Variants in NUP214 observed in about 807,000 individuals in gnomAD.
NUP214 encodes nucleoporin 214.
Under a neutral mutation model 196.2 loss-of-function variants are expected in NUP214, and 79 were observed. That is an observed-to-expected ratio of 0.40 (90% CI 0.34 to 0.49). The LOEUF (loss-of-function observed/expected upper bound fraction) is 0.49. NUP214 is among the 20% of genes least tolerant of loss of function. The probability of loss-of-function intolerance (pLI) is 0.58; values close to 1 mark genes in which losing one functional copy is unlikely to be tolerated. For missense variants in NUP214, 2,468 were observed against 2,539.0 expected (o/e 0.97, Z 0.60); for synonymous variants, 1,020 against 990.5 (o/e 1.03, Z -0.56).
chr9:131,231,679 GT>G lies in NUP214; in HGVS notation c.6215-602del, dbSNP rs1834883031. ...AAACTTCACAAAACATCTTGCATTT[GT>G]TTAACACTCTGCTTCTTCAGATGGC... On this transcript the variant is annotated intron_variant, in intron 34 of 35. Coordinates refer to ENST00000359428, the MANE Select transcript of NUP214 (RefSeq NM_005085.4). 2.0e-5 allele frequency among the ~76,000 whole-genome samples: 3 copies of G among 150,534 alleles called. No homozygotes were observed. In the South Asian group the frequency reaches 6.3e-4, roughly 31 times the overall value.
chr9:131,188,201 C>T (rs1833507479), intron 25 of NUP214, among the ~76,000 whole-genome samples: 1 of 152,216 alleles, frequency 6.6e-6, no homozygotes, highest in South Asian at 2.1e-4. Context: ...TGGTTTTCTC[C>T]TGCAATCCCT....
At chr9:131,142,266 G>T (rs537356993) in intron 11 of NUP214, among the ~76,000 whole-genome samples, 5 of 152,196 alleles carry the variant, frequency 3.3e-5, no homozygotes, top group South Asian at 2.1e-4. Flanking sequence ...GTTTGTTTCT[G>T]AGCCTTTGCT....
chr9:131,169,342 C>G (rs546684961), intron 21 of NUP214, among the ~76,000 whole-genome samples: 1 of 152,010 alleles, frequency 6.6e-6, no homozygotes, highest in Non-Finnish European at 1.5e-5. Flanking sequence ...CCTCTGCTTA[C>G]ATTTAAATTA....
At chr9:131,208,278 A>G (rs529689899) in intron 30 of NUP214, among the ~76,000 whole-genome samples, 14 of 152,386 alleles carry the variant, frequency 9.2e-5, no homozygotes, top group African/African-American at 2.6e-4. Context: ...TTGTACATCA[A>G]TGTTCATTGC....
Position 131,144,526 on chromosome 9 carries a change from G to A in NUP214, c.1541G>A (p.Gly514Asp), listed in dbSNP as rs769733994. The A allele has an allele frequency of 1.9e-6, 3 of 1,614,074 alleles. No individual in the cohort carries two copies. The highest frequency in any genetic ancestry group is 1.1e-5 in the South Asian group (1 of 91,078). ...TCCGACAGCTCCAAAGCAGCCCCAGGCCCTGGCCCATCAACCTTCTCTTTT... is the reference window on the plus strand; with the variant it reads ...TCCGACAGCTCCAAAGCAGCCCCAGACCCTGGCCCATCAACCTTCTCTTTT... ...SGSDSSKAAP[G>D]PGPSTFSFVP... The change falls in exon 12 of 36, where the codon GGC becomes GAC. Residue 514 changes from glycine (G) to aspartate (D), a missense_variant. Gly to Asp is a moderately conservative substitution (Grantham distance 94, BLOSUM62 -1). Around this residue, in one of 5 missense-constraint regions of NUP214, gnomAD observed 1,801 missense variants for 1,779.4 expected, o/e 1.01. Transcript: ENST00000359428.
intron 32 of NUP214, among the ~76,000 whole-genome samples, chr9:131,225,457 G>A (rs962526328): frequency 3.1e-4 from 47 of 152,276 alleles, no homozygotes; most frequent in African/African-American, 1.1e-3. Flanking sequence ...TATTTGTCTA[G>A]TCTTAGAGAA....
At chr9:131,129,575 GT>G (rs139582785) in intron 4 of NUP214, 98 bp downstream of exon 4, 722 of 1,058,748 alleles carry the variant, frequency 6.8e-4, no homozygotes, top group Non-Finnish European at 7.4e-4. Flanking sequence ...TTGTGTTTTG[GT>G]TTTTTTTTTC....
At chr9:131,162,530 A>G (rs1017618601) in intron 18 of NUP214, among the ~76,000 whole-genome samples, 1 of 152,130 alleles carries the variant, frequency 6.6e-6, no homozygotes, top group South Asian at 2.1e-4. Flanking sequence ...CTGATGCTAA[A>G]TCTTATGCTG....
Position 131,171,608 on chromosome 9 carries a change from T to A in NUP214, c.2894-2447T>A, listed in dbSNP as rs1832959912. Among the ~76,000 whole-genome samples the A allele has an allele frequency of 2.0e-5, 3 of 151,598 alleles. No homozygotes were observed. The South Asian group carries it at 6.3e-4, about 32-fold the overall frequency. On this transcript the variant is annotated intron_variant, in intron 21 of 35. Coordinates refer to ENST00000359428, the MANE Select transcript of NUP214 (RefSeq NM_005085.4). Reference sequence around the variant, plus strand: ...AGGGTACATGTGCACAATGTGCAGGTTAGTTACATATGTATACATGTGCCA... The same window carrying A: ...AGGGTACATGTGCACAATGTGCAGGATAGTTACATATGTATACATGTGCCA...
intron 14 of NUP214, 50 bp from the exon 15 acceptor site, chr9:131,150,274 C>T: frequency 1.3e-6 from 2 of 1,517,208 alleles, no homozygotes; most frequent in Non-Finnish European, 1.8e-6. Context: ...GATATAATTG[C>T]TTGTAGAAGC....
intron 21 of NUP214, among the ~76,000 whole-genome samples, chr9:131,168,846 A>G (rs1832862693): frequency 3.9e-5 from 6 of 152,210 alleles, no homozygotes; most frequent in Middle Eastern, 3.4e-3. Flanking sequence ...CTCCCTGCTT[A>G]GCAGGGCCAC....
intron 30 of NUP214, among the ~76,000 whole-genome samples, chr9:131,204,157 AAGCGTCAGAAATC>A (rs1834014056): frequency 6.6e-6 from 1 of 152,202 alleles, no homozygotes; most frequent in South Asian, 2.1e-4. Context: ...GAGCCAGAAT[AAGCGTCAGAAATC>A]ACCTTTGCAC....
chr9:131,153,133 C>T (rs533040647), intron 17 of NUP214: 10 of 152,148 alleles, frequency 6.6e-5, no homozygotes, highest in South Asian at 2.1e-4. Context: ...CAGTGTACAC[C>T]GAATCATTGT....
chr9:131,130,137 G>GTTTTTGTTTTTTTTTTTT (rs1831490850), intron 4 of NUP214, among the ~76,000 whole-genome samples: 1 of 76,894 alleles, frequency 1.3e-5, no homozygotes, highest in East Asian at 4.6e-4. Flanking sequence ...TTCTGGTTTT[G>GTTTTTGTTTTTTTTTTTT]TTTTTTTTTT....
In NUP214 at chr9:131,211,773, C is replaced by T. The variant is rs148791940; in HGVS notation, c.5593-3439C>T. 5.4e-3 allele frequency among the ~76,000 whole-genome samples: 817 copies of T among 152,240 alleles called. 10 individuals are homozygous for T. Among genetic ancestry groups the T allele is most frequent in the African/African-American group, 0.017 (687 of 41,542 alleles). ...TGTCTTTACTTTAATCTCTTAATCCCGTCATCTTCATAAGCTGAGGATGTA... is the reference window on the plus strand; with the variant it reads ...TGTCTTTACTTTAATCTCTTAATCCTGTCATCTTCATAAGCTGAGGATGTA... On this transcript the variant is annotated intron_variant, in intron 30 of 35. Transcript: ENST00000359428.
At chr9:131,187,738 A>G (rs942426233) in intron 25 of NUP214, among the ~76,000 whole-genome samples, 20 of 152,004 alleles carry the variant, frequency 1.3e-4, no homozygotes, top group African/African-American at 4.1e-4. Flanking sequence ...AGTGAAGACC[A>G]TACTGTTTTT....
At chr9:131,180,979 C>G (rs1833262049) in intron 24 of NUP214, among the ~76,000 whole-genome samples, 1 of 151,862 alleles carries the variant, frequency 6.6e-6, no homozygotes, top group Non-Finnish European at 1.5e-5. Flanking sequence ...GAGAGACAAA[C>G]AATAATCAAA....
At chr9:131,141,238 G>A (rs1443485709) in intron 11 of NUP214, among the ~76,000 whole-genome samples, 1 of 151,754 alleles carries the variant, frequency 6.6e-6, no homozygotes, top group African/African-American at 2.4e-5. Context: ...CTAAATGGTG[G>A]TTATTTCTGG....
chr9:131,229,536 T>C, intron 33 of NUP214: 1 of 354,570 alleles, frequency 2.8e-6, no homozygotes, highest in East Asian at 8.0e-5. Flanking sequence ...TCTTTACTAG[T>C]AGAAAAGTAT....
Sources: allele counts gnomAD v4.1 joint callset (sites outside exome capture counted in the v4.1 genomes callset), GRCh38; gene constraint gnomAD v4.1.1; regional missense constraint gnomAD v4.1.1; transcripts MANE v1.5; gene names NCBI Gene and HGNC (gene_info 2026-07-23, HGNC 2026-07-21).